Variants in PTPRG observed in about 807,000 individuals in gnomAD.
PTPRG encodes protein tyrosine phosphatase receptor type G.
PTPRG carries 102 observed loss-of-function variants against 165.3 expected under a neutral mutation model. The observed-to-expected ratio is 0.62, with a 90% CI of 0.53 to 0.73. The LOEUF is 0.73. PTPRG is among the 30% of genes least tolerant of loss of function. The probability of loss-of-function intolerance (pLI) is 0.00; values close to 1 mark genes in which losing one functional copy is unlikely to be tolerated. For synonymous variants in PTPRG, 675 were observed against 669.5 expected, an observed-to-expected ratio of 1.01 and a Z score of -0.13; for missense variants, 1,866 against 1,861.4, an observed-to-expected ratio of 1.00 and a Z score of -0.05.
At chr3:61,732,896 T>G (rs2032571130) in intron 1 of PTPRG, among the ~76,000 whole-genome samples, 1 of 152,226 alleles carries the variant, frequency 6.6e-6, no homozygotes, top group Admixed American at 6.5e-5. Context: ...AAGTGAATTG[T>G]TTTCGCAGCA....
chr3:62,193,139 T>G (rs924071429), intron 9 of PTPRG, among the ~76,000 whole-genome samples: 63 of 152,244 alleles, frequency 4.1e-4, no homozygotes, highest in African/African-American at 1.4e-3. Flanking sequence ...AAGGGATTTT[T>G]CTCTTTCTGG....
intron 1 of PTPRG, among the ~76,000 whole-genome samples, chr3:61,564,931 C>T (rs1323900318): frequency 6.6e-6 from 1 of 152,238 alleles, no homozygotes; most frequent in African/African-American, 2.4e-5. Flanking sequence ...CCTTGGGACC[C>T]CTACTTCTTG....
At chr3:61,595,344 A>G (rs1021885322) in intron 1 of PTPRG, among the ~76,000 whole-genome samples, 2 of 152,214 alleles carry the variant, frequency 1.3e-5, no homozygotes, top group Non-Finnish European at 2.9e-5. Context: ...GTAGCTGCTC[A>G]AAGTTAATTG....
chr3:62,161,077 C>T (rs572908396), intron 7 of PTPRG, among the ~76,000 whole-genome samples: 4 of 152,086 alleles, frequency 2.6e-5, no homozygotes, highest in African/African-American at 7.2e-5. Context: ...TTTGGTGCCT[C>T]GGTTTTCTCC....
At chr3:62,085,374 G>C (rs1484590873) in intron 5 of PTPRG, among the ~76,000 whole-genome samples, 1 of 152,102 alleles carries the variant, frequency 6.6e-6, no homozygotes, top group Admixed American at 6.5e-5. Context: ...CTTTCCTGGG[G>C]CTCCATTGGA....
intron 4 of PTPRG, among the ~76,000 whole-genome samples, chr3:62,023,371 A>G (rs996662006): frequency 6.6e-6 from 1 of 152,160 alleles, no homozygotes; most frequent in African/African-American, 2.4e-5. Context: ...CAGTGTTACT[A>G]TGAGTGTATA....
intron 1 of PTPRG, among the ~76,000 whole-genome samples, chr3:61,629,728 A>T (rs1360327545): frequency 1.3e-5 from 2 of 152,170 alleles, no homozygotes; most frequent in Non-Finnish European, 2.9e-5. Flanking sequence ...TAAGAAGGAG[A>T]AAAAGGGTAA....
intron 5 of PTPRG, among the ~76,000 whole-genome samples, chr3:62,092,248 C>G (rs1221712106): frequency 1.3e-5 from 2 of 151,452 alleles, no homozygotes; most frequent in South Asian, 4.2e-4. Context: ...ATGACCAGCC[C>G]GGCCAACATG....
chr3:61,921,536 C>T (rs1005852067), intron 2 of PTPRG, among the ~76,000 whole-genome samples: 2 of 152,038 alleles, frequency 1.3e-5, no homozygotes, highest in African/African-American at 2.4e-5. Flanking sequence ...CTTCATGTGA[C>T]GAGTTGCATT....
intron 4 of PTPRG, among the ~76,000 whole-genome samples, chr3:62,006,769 T>A (rs1250597545): frequency 3.9e-5 from 6 of 152,130 alleles, no homozygotes; most frequent in Non-Finnish European, 8.8e-5. Context: ...TGGTATTACT[T>A]TCTAGTTGGT....
chr3:62,282,665 T>A (rs1452519843), intron 27 of PTPRG, 62 bp from the exon 28 acceptor site: 2 of 1,516,546 alleles, frequency 1.3e-6, no homozygotes, highest in Admixed American at 4.3e-5. Flanking sequence ...CAAGTTCTAG[T>A]CATTAGATTG....
At chr3:61,855,044 T>C (rs574585449) in intron 2 of PTPRG, among the ~76,000 whole-genome samples, 7 of 152,302 alleles carry the variant, frequency 4.6e-5, no homozygotes, top group African/African-American at 1.7e-4. Flanking sequence ...CTTCTTATTT[T>C]CACTGCATCA....
chr3:62,020,845 G>GTT (rs66464110), intron 4 of PTPRG, among the ~76,000 whole-genome samples: 24,601 of 145,444 alleles, frequency 0.17, 2,232 homozygotes, highest in East Asian at 0.28. Flanking sequence ...GGTTTTTTTT[G>GTT]TTTTTTTTTT....
intron 1 of PTPRG, among the ~76,000 whole-genome samples, chr3:61,627,367 G>T (rs190658516): frequency 1.3e-5 from 2 of 152,250 alleles, no homozygotes; most frequent in East Asian, 3.9e-4. Flanking sequence ...GAGGGTAAGG[G>T]AATGGTTATG....
At chr3:62,250,143 G>A (rs1380610360) in intron 15 of PTPRG, among the ~76,000 whole-genome samples, 1 of 152,094 alleles carries the variant, frequency 6.6e-6, no homozygotes, top group Non-Finnish European at 1.5e-5. Flanking sequence ...TTTACTAAAT[G>A]CCAGGCACTC....
intron 2 of PTPRG, among the ~76,000 whole-genome samples, chr3:61,807,563 A>G (rs2035452714): frequency 6.6e-6 from 1 of 152,280 alleles, no homozygotes; most frequent in Middle Eastern, 3.4e-3. Flanking sequence ...TAGTTAGCTG[A>G]ATTTTATATT....
At chr3:62,235,772 CT>C (rs995836481) in intron 14 of PTPRG, among the ~76,000 whole-genome samples, 4 of 152,310 alleles carry the variant, frequency 2.6e-5, no homozygotes, top group African/African-American at 9.6e-5. Flanking sequence ...GAAACATTCT[CT>C]CCTCGTTTTA....
chr3:62,266,991 A>G (rs996171642), intron 17 of PTPRG, among the ~76,000 whole-genome samples: 1 of 151,684 alleles, frequency 6.6e-6, no homozygotes, highest in African/African-American at 2.4e-5. Flanking sequence ...AGGGAATCCA[A>G]GTGAATTAGC....
intron 1 of PTPRG, among the ~76,000 whole-genome samples, chr3:61,641,180 TC>T (rs1702049159): frequency 6.6e-6 from 1 of 151,922 alleles, no homozygotes; most frequent in South Asian, 2.1e-4. Context: ...AATTCCTACC[TC>T]CCCCTCCACC....
Sources: allele counts gnomAD v4.1 joint callset (sites outside exome capture counted in the v4.1 genomes callset), GRCh38; gene constraint gnomAD v4.1.1; transcripts MANE v1.5; gene names NCBI Gene and HGNC (gene_info 2026-07-23, HGNC 2026-07-21).